THSD7B: variants seen among roughly 807,000 people sequenced by gnomAD.
THSD7B encodes thrombospondin type-1 domain-containing protein 7B.
A neutral mutation model predicts 213.6 loss-of-function variants in THSD7B; 138 were observed. That is an observed-to-expected ratio of 0.65 (90% CI 0.56 to 0.74). The LOEUF (loss-of-function observed/expected upper bound fraction) is 0.74. Among genes scored for constraint, THSD7B ranks in the 30% least tolerant of loss-of-function variants. The probability of loss-of-function intolerance (pLI) is 0.00; values close to 1 mark genes in which losing one functional copy is unlikely to be tolerated. For synonymous variants in THSD7B, 742 were observed against 687.0 expected, an observed-to-expected ratio of 1.08 and a Z score of -1.25; for missense variants, 1,931 against 1,991.5, an observed-to-expected ratio of 0.97 and a Z score of 0.58.
chr2:136,796,009 C>A (rs1682055444), intron 1 of THSD7B, among the ~76,000 whole-genome samples: 1 of 151,882 alleles, frequency 6.6e-6, no homozygotes, highest in South Asian at 2.1e-4. Context: ...CACACATAAT[C>A]ATATCTTACT....
intron 2 of THSD7B, among the ~76,000 whole-genome samples, chr2:136,902,753 A>G (rs1684084825): frequency 1.3e-5 from 2 of 152,140 alleles, no homozygotes; most frequent in South Asian, 4.2e-4. Flanking sequence ...TATTGTGGCA[A>G]TGTCTGCAGT....
At chr2:137,325,745 C>CT (rs1017956557) in intron 12 of THSD7B, among the ~76,000 whole-genome samples, 8 of 152,192 alleles carry the variant, frequency 5.3e-5, no homozygotes, top group South Asian at 2.1e-4. Context: ...TGGAAGGATG[C>CT]TTTTTTTGCT....
chr2:137,557,961 A>G (rs1681016986), intron 15 of THSD7B, among the ~76,000 whole-genome samples: 1 of 152,240 alleles, frequency 6.6e-6, no homozygotes, highest in Admixed American at 6.5e-5. Context: ...TAGAAAATCT[A>G]GAAGAAATGG....
At chr2:137,394,010 T>C (rs1362230625) in intron 12 of THSD7B, among the ~76,000 whole-genome samples, 1 of 134,332 alleles carries the variant, frequency 7.4e-6, no homozygotes. Context: ...ATGGGGTTGT[T>C]TGTTTTTTTC....
chr2:136,817,496 G>A (rs1289548997), intron 1 of THSD7B, among the ~76,000 whole-genome samples: 1 of 151,424 alleles, frequency 6.6e-6, no homozygotes, highest in Admixed American at 6.6e-5. Context: ...ATAGTTTTAG[G>A]TCTAACGTTT....
intron 7 of THSD7B, among the ~76,000 whole-genome samples, chr2:137,214,031 A>C (rs1197302253): frequency 6.6e-6 from 1 of 152,152 alleles, no homozygotes; most frequent in Non-Finnish European, 1.5e-5. Flanking sequence ...TAATGGTAAT[A>C]AATTTTGTTC....
rs55635315 is a variant in THSD7B at position 137,372,323 on chromosome 2, C to CTTTTT, written c.2501-33266_2501-33262dup. Among the ~76,000 whole-genome samples the CTTTTT allele has an allele frequency of 4.3e-4, 25 of 57,542 alleles. 3 individuals are homozygous for CTTTTT. Among genetic ancestry groups the CTTTTT allele is most frequent in the Non-Finnish European group, 6.0e-4 (18 of 29,882 alleles). 37.7% of individuals were successfully genotyped at this position (57,542 alleles called of 152,430 possible). ...AGGCCAGAGAGAGTCTGATAATACT[C>CTTTTT]TTTTTTTTTTTTTTTTTTTTTTTTT... is the stretch of plus-strand genomic sequence containing the variant. On this transcript the variant is annotated intron_variant, in intron 12 of 27. Coordinates refer to ENST00000409968, the MANE Select transcript of THSD7B (RefSeq NM_001316349.2).
chr2:137,556,239 G>T (rs1192144026), intron 15 of THSD7B, among the ~76,000 whole-genome samples: 1 of 152,132 alleles, frequency 6.6e-6, no homozygotes, highest in Non-Finnish European at 1.5e-5. Context: ...ACACATAACT[G>T]TCAGATTCAC....
chr2:137,189,229 A>T (rs529087874), intron 7 of THSD7B, among the ~76,000 whole-genome samples: 4 of 152,036 alleles, frequency 2.6e-5, no homozygotes, highest in Non-Finnish European at 5.9e-5. Flanking sequence ...GCTCCTTTTC[A>T]CCAGAAGTGA....
Position 137,447,059 on chromosome 2 carries a change from G to A in THSD7B, c.2960-3786G>A, listed in dbSNP as rs11679204. Among the ~76,000 whole-genome samples, 1,317 of 152,136 alleles carry A rather than the reference G, an allele frequency of 8.7e-3. 3 individuals are homozygous for A. The highest frequency in any genetic ancestry group is 0.017 in the Middle Eastern group (5 of 294). On this transcript the variant is annotated intron_variant, in intron 14 of 27. Transcript: ENST00000409968. ...TCCTCACTATGAATTTTCCTTTGGGGTATACTCTGGCATGAAAATAATTTT... is the reference window on the plus strand; with the variant it reads ...TCCTCACTATGAATTTTCCTTTGGGATATACTCTGGCATGAAAATAATTTT...
chr2:137,049,229 G>T (rs1283255178), intron 2 of THSD7B, among the ~76,000 whole-genome samples: 1 of 152,188 alleles, frequency 6.6e-6, no homozygotes, highest in Non-Finnish European at 1.5e-5. Flanking sequence ...GGCAAGAGAC[G>T]GGTGGCGGGG....
At chr2:137,202,995 GA>G (rs976440403) in intron 7 of THSD7B, among the ~76,000 whole-genome samples, 4 of 151,708 alleles carry the variant, frequency 2.6e-5, no homozygotes, top group African/African-American at 9.7e-5. Flanking sequence ...ACACAAATAA[GA>G]GATGGATAGA....
chr2:137,075,026 C>A (rs895376345), intron 3 of THSD7B, among the ~76,000 whole-genome samples: 1 of 152,118 alleles, frequency 6.6e-6, no homozygotes, highest in African/African-American at 2.4e-5. Flanking sequence ...ACATTTTTTC[C>A]TTCATTTCAA....
At chr2:136,917,172 TAA>T (rs1684363509) in intron 2 of THSD7B, among the ~76,000 whole-genome samples, 2 of 152,200 alleles carry the variant, frequency 1.3e-5, no homozygotes, top group African/African-American at 4.8e-5. Context: ...CTTTTCAGTT[TAA>T]GTTATCCTCC....
chr2:137,451,134 CA>C (rs1227916391), intron 15 of THSD7B, 111 bp downstream of exon 15: 10 of 1,172,424 alleles, frequency 8.5e-6, no homozygotes, highest in Non-Finnish European at 1.1e-5. Flanking sequence ...AAAGTTATCA[CA>C]ATGTCAGAAG....
intron 3 of THSD7B, among the ~76,000 whole-genome samples, chr2:137,079,003 T>G (rs1304258973): frequency 6.6e-6 from 1 of 152,152 alleles, no homozygotes; most frequent in Non-Finnish European, 1.5e-5. Flanking sequence ...TACTGATGTT[T>G]TCTTTGTGTT....
At chr2:137,628,951 C>T (rs1682688471) in intron 20 of THSD7B, among the ~76,000 whole-genome samples, 1 of 152,232 alleles carries the variant, frequency 6.6e-6, no homozygotes, top group African/African-American at 2.4e-5. Flanking sequence ...CACCATCATC[C>T]CCATGACTGC....
At chr2:136,871,057 T>A (rs945917769) in intron 1 of THSD7B, among the ~76,000 whole-genome samples, 5 of 152,072 alleles carry the variant, frequency 3.3e-5, no homozygotes, top group Non-Finnish European at 4.4e-5. Flanking sequence ...TGGATTGATT[T>A]TTCGATGCGA....
At chr2:137,676,449 C>A in intron 27 of THSD7B, 75 bp from the exon 28 acceptor site, 1 of 1,334,564 alleles carries the variant, frequency 7.5e-7, no homozygotes, top group African/African-American at 1.5e-5. Context: ...ATTTCTGTAT[C>A]TCAAAATTGT....
Sources: gnomAD v4.1 joint callset for allele counts (sites outside exome capture counted in the v4.1 genomes callset) on GRCh38, gnomAD v4.1.1 for gene constraint, MANE v1.5 for transcripts, NCBI Gene and HGNC (gene_info 2026-07-23, HGNC 2026-07-21) for gene names.